The following FLVCR2 variants were observed in gnomAD, a reference collection of about 807,000 sequenced individuals.
FLVCR2 encodes FLVCR choline and putative heme transporter 2, also known as choline/ethanolamine transporter FLVCR2.
Under a neutral mutation model 48.9 loss-of-function variants are expected in FLVCR2, and 38 were observed. That is an observed-to-expected ratio of 0.78 (90% CI 0.60 to 1.02). The LOEUF (loss-of-function observed/expected upper bound fraction) is 1.02, where lower values mean the gene tolerates loss of function less well. Among genes scored for constraint, FLVCR2 ranks in the 50% least tolerant of loss-of-function variants. FLVCR2 has a pLI of 0.00. For synonymous variants in FLVCR2, 255 were observed against 257.0 expected (o/e 0.99, Z 0.07); for missense variants, 664 against 663.3 (o/e 1.00, Z -0.01).
intron 1 of FLVCR2, chr14:75,605,502 T>C (rs1362091498): frequency 6.5e-7 from 1 of 1,528,784 alleles, no homozygotes; most frequent in Non-Finnish European, 8.8e-7. Flanking sequence ...CTTTCCTTTT[T>C]CATGCTGTGC....
chr14:75,624,362 A>T (rs990833777), intron 2 of FLVCR2, among the ~76,000 whole-genome samples: 2 of 151,978 alleles, frequency 1.3e-5, no homozygotes, highest in South Asian at 2.1e-4. Context: ...CAAAAAAAAT[A>T]AAGAAAAAAA....
chr14:75,584,619 G>T (rs1466351719), intron 1 of FLVCR2, among the ~76,000 whole-genome samples: 1 of 152,166 alleles, frequency 6.6e-6, no homozygotes, highest in African/African-American at 2.4e-5. Context: ...TATACCTGGG[G>T]AATCTGCCTG....
Position 75,647,233 on chromosome 14 carries a change from G to T in FLVCR2, c.*761G>T, listed in dbSNP as rs1890441824. On this transcript the variant is annotated 3_prime_UTR_variant, in exon 10 of 10. Coordinates refer to ENST00000238667, the MANE Select transcript of FLVCR2 (RefSeq NM_017791.3). The stretch of plus-strand genomic sequence containing the variant: ...ACATATTTGGGAACTCTGGTAGCTT[G>T]AGTTGGGAATGGGAAGGTTCTTTTT... 1.3e-5 allele frequency: 2 copies of T among 152,362 alleles called. No individual in the cohort carries two copies. The highest frequency in any genetic ancestry group is 4.1e-4 in the South Asian group (2 of 4,836). 9.4% of individuals were successfully genotyped at this position (152,362 alleles called of 1,614,324 possible).
At chr14:75,607,509 A>G (rs1366895808) in intron 1 of FLVCR2, among the ~76,000 whole-genome samples, 1 of 152,166 alleles carries the variant, frequency 6.6e-6, no homozygotes. Context: ...GCAAGGTTCC[A>G]TGGGAAGAGA....
chr14:75,584,565 T>A (rs1888694414), intron 1 of FLVCR2, among the ~76,000 whole-genome samples: 2 of 152,196 alleles, frequency 1.3e-5, no homozygotes, highest in Admixed American at 1.3e-4. Context: ...AGCTGCCTTT[T>A]TAAGCCCTTC....
chr14:75,620,118 T>G (rs1889726835), intron 1 of FLVCR2, among the ~76,000 whole-genome samples: 1 of 152,190 alleles, frequency 6.6e-6, no homozygotes, highest in African/African-American at 2.4e-5. Context: ...AGGCCATATA[T>G]GAGCTGGAGT....
chr14:75,588,248 C>T (rs1453324033), intron 1 of FLVCR2, among the ~76,000 whole-genome samples: 31 of 152,176 alleles, frequency 2.0e-4, no homozygotes, highest in Admixed American at 2.0e-3. Flanking sequence ...GCCAAGCGAC[C>T]AGCATCTGGT....
intron 1 of FLVCR2, among the ~76,000 whole-genome samples, chr14:75,592,755 G>A (rs917931471): frequency 1.3e-5 from 2 of 152,094 alleles, no homozygotes; most frequent in South Asian, 2.1e-4. Context: ...TTGGGAGGCC[G>A]AGGTGGGCGG....
In FLVCR2 at chr14:75,629,982, G is replaced by A. The variant is rs572990565; in HGVS notation, c.953-3647G>A. Among the ~76,000 whole-genome samples the A allele has an allele frequency of 5.9e-5, 9 of 152,320 alleles. No individual in the cohort carries two copies. In the East Asian group the frequency reaches 1.5e-3, roughly 26 times the overall value. ...CTCTAAAATCCTGGCTGAGGAGTGGGCATAAAATCCTCCAGATTCCTGGGA... is the reference window on the plus strand; with the variant it reads ...CTCTAAAATCCTGGCTGAGGAGTGGACATAAAATCCTCCAGATTCCTGGGA... On this transcript the variant is annotated intron_variant, in intron 3 of 9. Coordinates refer to ENST00000238667, the MANE Select transcript of FLVCR2 (RefSeq NM_017791.3).
intron 2 of FLVCR2, among the ~76,000 whole-genome samples, chr14:75,622,482 G>T (rs988712339): frequency 6.6e-6 from 1 of 152,208 alleles, no homozygotes; most frequent in African/African-American, 2.4e-5. Flanking sequence ...CTCATCAGAA[G>T]TAATGGGTAG....
intron 1 of FLVCR2, chr14:75,605,629 G>C (rs1889271771): frequency 2.6e-6 from 4 of 1,535,990 alleles, no homozygotes; most frequent in Non-Finnish European, 2.6e-6. Flanking sequence ...CAGGAGGTGA[G>C]GATAGATCTT....
chr14:75,595,785 A>G, intron 1 of FLVCR2: 1 of 758,288 alleles, frequency 1.3e-6, no homozygotes, highest in Non-Finnish European at 2.4e-6. Flanking sequence ...ATGGCCACAG[A>G]TTACACCATT....
intron 1 of FLVCR2, among the ~76,000 whole-genome samples, chr14:75,606,927 G>C (rs1304096279): frequency 6.6e-6 from 1 of 151,838 alleles, no homozygotes; most frequent in Non-Finnish European, 1.5e-5. Context: ...CTGAGGGACA[G>C]AGTGAGACCC....
chr14:75,627,666 G>T (rs1456521209), intron 3 of FLVCR2, among the ~76,000 whole-genome samples: 1 of 152,180 alleles, frequency 6.6e-6, no homozygotes. Flanking sequence ...TATTTAACCT[G>T]ACTTGGAGTT....
At chr14:75,629,355 G>A (rs1385957709) in intron 3 of FLVCR2, among the ~76,000 whole-genome samples, 7 of 151,756 alleles carry the variant, frequency 4.6e-5, no homozygotes, top group Admixed American at 4.6e-4. Flanking sequence ...AGGGGGAGAG[G>A]TGCAGGGGTG....
At chr14:75,640,592 C>T in intron 6 of FLVCR2, 1 of 336,988 alleles carries the variant, frequency 3.0e-6, no homozygotes, top group Non-Finnish European at 5.7e-6. Context: ...AGGAAGTTCC[C>T]ACTCCCAGCA....
At chr14:75,620,244 A>G (rs1182569709) in intron 1 of FLVCR2, among the ~76,000 whole-genome samples, 1 of 152,182 alleles carries the variant, frequency 6.6e-6, no homozygotes, top group African/African-American at 2.4e-5. Flanking sequence ...CTGACAAACC[A>G]GTATGACCAA....
intron 1 of FLVCR2, among the ~76,000 whole-genome samples, chr14:75,617,482 A>T (rs916566939): frequency 6.6e-6 from 1 of 152,180 alleles, no homozygotes; most frequent in Non-Finnish European, 1.5e-5. Context: ...AACACCCTCT[A>T]TTGGGATGAA....
At chr14:75,593,948 C>T (rs1888954996) in intron 1 of FLVCR2, among the ~76,000 whole-genome samples, 1 of 152,154 alleles carries the variant, frequency 6.6e-6, no homozygotes, top group Admixed American at 6.5e-5. Flanking sequence ...ACCTTTTAGT[C>T]ATTTCTCTCC....
Sources: gnomAD v4.1 joint callset for allele counts (sites outside exome capture counted in the v4.1 genomes callset) on GRCh38, gnomAD v4.1.1 for gene constraint, MANE v1.5 for transcripts, NCBI Gene and HGNC (gene_info 2026-07-23, HGNC 2026-07-21) for gene names.